HS1BP3: variants seen among roughly 807,000 people sequenced by gnomAD.
The protein encoded by HS1BP3 is HCLS1-binding protein 3.
HS1BP3 carries 32 observed loss-of-function variants against 33.5 expected under a neutral mutation model. The observed-to-expected ratio is 0.95, with a 90% CI of 0.72 to 1.28. HS1BP3 has a LOEUF of 1.28. Among genes scored for constraint, HS1BP3 ranks in the 50% most tolerant of loss-of-function variants. The pLI, the probability that HS1BP3 is intolerant of heterozygous loss-of-function variation, is 0.00. For synonymous variants in HS1BP3, 187 were observed against 209.2 expected (o/e 0.89, Z 0.92); for missense variants, 486 against 502.3 (o/e 0.97, Z 0.31).
intron 1 of HS1BP3, among the ~76,000 whole-genome samples, chr2:20,649,098 T>C (rs1424058676): frequency 2.0e-5 from 3 of 152,256 alleles, no homozygotes; most frequent in Non-Finnish European, 4.4e-5. Context: ...ATGCTCAGCA[T>C]AGCAGCCAAA....
At chr2:20,617,656 G>A (rs1694460149), downstream of HS1BP3, among the ~76,000 whole-genome samples, 2 of 152,106 alleles carry the variant, frequency 1.3e-5, no homozygotes, top group African/African-American at 4.8e-5. Flanking sequence ...TCAGAAAAGG[G>A]TCTGAGGTCC....
intron 5 of HS1BP3, among the ~76,000 whole-genome samples, chr2:20,582,092 C>T (rs1024098715): frequency 6.6e-6 from 1 of 152,222 alleles, no homozygotes; most frequent in Non-Finnish European, 1.5e-5. Context: ...ATCCCTTCAC[C>T]TTTGCCAGAT....
At chr2:20,576,655 C>T (rs1572296784) in intron 5 of HS1BP3, among the ~76,000 whole-genome samples, 1 of 152,228 alleles carries the variant, frequency 6.6e-6, no homozygotes, top group Non-Finnish European at 1.5e-5. Flanking sequence ...TACTGCTACC[C>T]CCAGAAGTTC....
At chr2:20,598,913 C>T (rs76087091) in intron 2 of HS1BP3, among the ~76,000 whole-genome samples, 7,840 of 152,268 alleles carry the variant, frequency 0.051, 309 homozygotes, top group Middle Eastern at 0.088. Context: ...AAACTTCCCC[C>T]TTTCTTCTCC....
At chr2:20,598,805 G>A (rs1468811766) in intron 2 of HS1BP3, among the ~76,000 whole-genome samples, 2 of 151,994 alleles carry the variant, frequency 1.3e-5, no homozygotes, top group African/African-American at 4.8e-5. Flanking sequence ...TGATCCGCCC[G>A]CCTCGGCCTC....
intron 5 of HS1BP3, among the ~76,000 whole-genome samples, chr2:20,572,083 C>T (rs1486298249): frequency 1.3e-5 from 2 of 152,192 alleles, no homozygotes; most frequent in African/African-American, 2.4e-5. Context: ...TTTGGTTTTA[C>T]CCCCTGCACT....
In HS1BP3 at chr2:20,645,320, G is replaced by T; in HGVS notation, c.198+20C>A. On this transcript the variant is annotated intron_variant, in intron 2 of 6. Coordinates refer to ENST00000304031, the MANE Select transcript of HS1BP3 (RefSeq NM_022460.4). ...ACCCCGGGCACCCTCGAAACATCCT[G>T]GCCAGAGCCTCCGGCTCACCAAGAA... 6.2e-7 allele frequency: 1 copy of T among 1,610,258 alleles called. No homozygotes were observed.
At chr2:20,614,619 G>A (rs372466376), downstream of HS1BP3, among the ~76,000 whole-genome samples, 5 of 152,328 alleles carry the variant, frequency 3.3e-5, no homozygotes, top group East Asian at 5.8e-4. Context: ...TGCCCATTAC[G>A]TGCTTAGTGT....
intron 1 of HS1BP3, among the ~76,000 whole-genome samples, chr2:20,645,963 C>T (rs1010470124): frequency 6.6e-6 from 1 of 152,174 alleles, no homozygotes; most frequent in Admixed American, 6.5e-5. Flanking sequence ...CTGGGGGGGA[C>T]ACGGGACGAG....
chr2:20,554,476 A>C, the HS1BP3 span, among the ~76,000 whole-genome samples: 1 of 152,076 alleles, frequency 6.6e-6, no homozygotes, highest in Non-Finnish European at 1.5e-5. Context: ...TAATCCCAAC[A>C]CTTTGGGAGG....
chr2:20,628,722 G>C (rs547207170), intron 4 of HS1BP3, among the ~76,000 whole-genome samples: 35 of 152,268 alleles, frequency 2.3e-4, no homozygotes, highest in Admixed American at 2.2e-3. Context: ...AACCAAGCCT[G>C]AGGGCTCAGG....
At chr2:20,561,225 C>T (rs1033712634) in intron 5 of HS1BP3, among the ~76,000 whole-genome samples, 2 of 152,216 alleles carry the variant, frequency 1.3e-5, no homozygotes, top group African/African-American at 2.4e-5. Flanking sequence ...GGTGCCCTCG[C>T]TGTCCTGCAG....
intron 5 of HS1BP3, among the ~76,000 whole-genome samples, chr2:20,567,564 C>T (rs998967248): frequency 3.6e-4 from 55 of 152,220 alleles, no homozygotes; most frequent in African/African-American, 1.3e-3. Context: ...CAGCCAGACA[C>T]TTCCTCACTG....
intron 3 of HS1BP3, among the ~76,000 whole-genome samples, chr2:20,596,585 T>G (rs959744461): frequency 2.6e-5 from 4 of 152,224 alleles, no homozygotes; most frequent in Non-Finnish European, 5.9e-5. Context: ...CCTCCAGAAC[T>G]GTGAGCTATA....
chr2:20,583,372 T>C, intron 5 of HS1BP3, among the ~76,000 whole-genome samples: 1 of 133,992 alleles, frequency 7.5e-6, no homozygotes, highest in East Asian at 2.1e-4. Flanking sequence ...GTTCTCACTA[T>C]GGGGGCAGCT....
downstream of HS1BP3, among the ~76,000 whole-genome samples, chr2:20,560,236 C>A (rs187228417): frequency 1.4e-3 from 206 of 152,306 alleles, no homozygotes; most frequent in South Asian, 8.1e-3. Flanking sequence ...GTACATGTCC[C>A]AGGGCTGAGG....
At chr2:20,585,423 A>T (rs150846678) in intron 5 of HS1BP3, among the ~76,000 whole-genome samples, 2 of 152,318 alleles carry the variant, frequency 1.3e-5, no homozygotes, top group South Asian at 4.1e-4. Flanking sequence ...CCTTAACTCT[A>T]CAAGCATAAC....
At chr2:20,571,648 C>T (rs1023371827) in intron 5 of HS1BP3, among the ~76,000 whole-genome samples, 1 of 152,210 alleles carries the variant, frequency 6.6e-6, no homozygotes, top group Non-Finnish European at 1.5e-5. Flanking sequence ...CTCACTCCCT[C>T]CAGCCTCCTG....
chr2:20,623,996 C>T lies in HS1BP3; in HGVS notation c.820G>A (p.Ala274Thr). 1 of 1,611,946 alleles carries T rather than the reference C, an allele frequency of 6.2e-7. No homozygotes were observed. The highest frequency in any genetic ancestry group is 8.5e-7 in the Non-Finnish European group (1 of 1,179,456). ...AGGAGGGAGTCACCCAGGGGGATGG[C>T]CCCGCCGAGGTCAGGATCATCAAAT... ...KLFDDPDLGGAIPLGDSLLLP... is the reference protein window; with the variant it reads ...KLFDDPDLGGTIPLGDSLLLP... The change falls in exon 6 of 7, where the codon GCC (alanine) becomes ACC (threonine). Residue 274 changes from alanine to threonine, a missense_variant. By Grantham distance (58) the Ala-to-Thr change is moderately conservative. Transcript: ENST00000304031.
Sources: gnomAD v4.1 joint callset for allele counts (sites outside exome capture counted in the v4.1 genomes callset) on GRCh38, gnomAD v4.1.1 for gene constraint, MANE v1.5 for transcripts, NCBI Gene and HGNC (gene_info 2026-07-23, HGNC 2026-07-21) for gene names.